The following DAB1 variants were observed in gnomAD, a reference collection of about 807,000 sequenced individuals.
DAB1 encodes the protein disabled homolog 1.
In DAB1, 15 loss-of-function variants were observed where a neutral mutation model predicts 64.6. The observed-to-expected ratio is 0.23, with a 90% CI of 0.16 to 0.36. The LOEUF (loss-of-function observed/expected upper bound fraction) is 0.36. Among genes scored for constraint, DAB1 ranks in the 10% least tolerant of loss-of-function variants. The pLI is 1.00. For synonymous variants in DAB1, 235 were observed against 251.9 expected, an observed-to-expected ratio of 0.93 and a Z score of 0.64; for missense variants, 596 against 706.7, an observed-to-expected ratio of 0.84 and a Z score of 1.78.
intron 7 of DAB1, among the ~76,000 whole-genome samples, chr1:57,619,159 T>C (rs1371225991): frequency 1.3e-5 from 2 of 152,200 alleles, no homozygotes; most frequent in African/African-American, 2.4e-5. Flanking sequence ...GTTAATATCC[T>C]TTATGACAGG....
chr1:58,447,891 A>T lies in DAB1; in HGVS notation n.257+58169T>A, dbSNP rs1645088812. Among the ~76,000 whole-genome samples the T allele has an allele frequency of 2.6e-5, 4 of 151,966 alleles. 1 individual carries two copies. The South Asian group carries it at 8.3e-4, about 32-fold the overall frequency. On this transcript the variant is annotated intron_variant and non_coding_transcript_variant, in intron 3 of 20. Transcript: ENST00000485760. ...AAAAAAAGTCTTATGCAATAAGAAG[A>T]CTGGAGGAGGCAGAGTTTCAGGGTT...
intron 6 of DAB1, among the ~76,000 whole-genome samples, chr1:57,718,615 T>A (rs566212228): frequency 7.2e-4 from 109 of 152,312 alleles, no homozygotes; most frequent in Non-Finnish European, 1.1e-3. Flanking sequence ...GATTATCTTG[T>A]ATCTAAAAGA....
At chr1:57,651,995 A>G (rs74077751) in intron 6 of DAB1, among the ~76,000 whole-genome samples, 3,259 of 152,272 alleles carry the variant, frequency 0.021, 116 homozygotes, top group African/African-American at 0.075. Context: ...TTTAATTTAT[A>G]GTTTAAATGA....
At chr1:57,447,285 T>C (rs981307995) in intron 7 of DAB1, among the ~76,000 whole-genome samples, 1 of 152,174 alleles carries the variant, frequency 6.6e-6, no homozygotes, top group Non-Finnish European at 1.5e-5. Context: ...AAAGCTCTCT[T>C]AGTGACTGGC....
At chr1:57,128,006 G>C (rs983178130) in intron 4 of DAB1, among the ~76,000 whole-genome samples, 1 of 151,938 alleles carries the variant, frequency 6.6e-6, no homozygotes, top group African/African-American at 2.4e-5. Flanking sequence ...AAATTAGCCG[G>C]CATGGTGGGA....
chr1:57,176,346 A>G (rs1662312417), intron 2 of DAB1, among the ~76,000 whole-genome samples: 2 of 152,126 alleles, frequency 1.3e-5, no homozygotes, highest in African/African-American at 4.8e-5. Flanking sequence ...CACATCTCAC[A>G]TGGCAGCCAA....
At chr1:58,045,628 T>C (rs1647223981) in intron 5 of DAB1, among the ~76,000 whole-genome samples, 1 of 151,994 alleles carries the variant, frequency 6.6e-6, no homozygotes, top group Non-Finnish European at 1.5e-5. Flanking sequence ...GAATATTTTT[T>C]TTCCAGGGAA....
intron 2 of DAB1, among the ~76,000 whole-genome samples, chr1:58,526,970 T>C (rs971999852): frequency 6.6e-6 from 1 of 152,158 alleles, no homozygotes; most frequent in Admixed American, 6.5e-5. Flanking sequence ...CAAAAAATTA[T>C]TTCCAATCAA....
chr1:57,080,756 G>GCA (rs71801142), intron 4 of DAB1, among the ~76,000 whole-genome samples: 33,088 of 143,272 alleles, frequency 0.23, 4,172 homozygotes, highest in Middle Eastern at 0.34. Context: ...ACACACACAC[G>GCA]CACACACACA....
At chr1:57,619,336 T>C (rs1178404370) in intron 7 of DAB1, among the ~76,000 whole-genome samples, 1 of 152,212 alleles carries the variant, frequency 6.6e-6, no homozygotes, top group Non-Finnish European at 1.5e-5. Context: ...ATGACAACGC[T>C]GTGCTAGGAG....
chr1:58,057,347 T>C (rs751059463), intron 5 of DAB1, among the ~76,000 whole-genome samples: 1 of 152,132 alleles, frequency 6.6e-6, no homozygotes, highest in Non-Finnish European at 1.5e-5. Context: ...ACTCAGAATA[T>C]AACTTTCTTT....
intron 5 of DAB1, among the ~76,000 whole-genome samples, chr1:57,902,156 CAA>C (rs60082541): frequency 0.21 from 24,216 of 114,248 alleles, 2,273 homozygotes; most frequent in Admixed American, 0.31. Context: ...GATCTTGTCT[CAA>C]AAAAAAAAAA....
chr1:57,622,243 T>C (rs1345981817), intron 7 of DAB1, among the ~76,000 whole-genome samples: 2 of 152,180 alleles, frequency 1.3e-5, no homozygotes, highest in African/African-American at 4.8e-5. Context: ...TACTTCGGGT[T>C]TGGAATGAGA....
intron 1 of DAB1, among the ~76,000 whole-genome samples, chr1:57,866,666 C>T (rs1490309879): frequency 6.6e-6 from 1 of 152,154 alleles, no homozygotes; most frequent in Non-Finnish European, 1.5e-5. Context: ...GCATGCCTTA[C>T]AGAGCTCTTA....
chr1:57,488,483 C>T (rs1436657805), intron 7 of DAB1, among the ~76,000 whole-genome samples: 3 of 151,260 alleles, frequency 2.0e-5, no homozygotes, highest in Non-Finnish European at 4.4e-5. Context: ...TTGAGACCAG[C>T]CTGACCAACA....
intron 7 of DAB1, among the ~76,000 whole-genome samples, chr1:57,615,673 A>G (rs953332835): frequency 6.7e-6 from 1 of 148,446 alleles, no homozygotes; most frequent in African/African-American, 2.5e-5. Flanking sequence ...ATGTGAATCA[A>G]TAAAAGGGAG....
intron 4 of DAB1, among the ~76,000 whole-genome samples, chr1:57,123,808 T>G (rs1413790680): frequency 6.6e-6 from 1 of 152,156 alleles, no homozygotes; most frequent in Non-Finnish European, 1.5e-5. Flanking sequence ...GCAGCGTGTA[T>G]AGTTTAATTT....
intron 1 of DAB1, among the ~76,000 whole-genome samples, chr1:58,529,947 C>T (rs1373639318): frequency 6.6e-6 from 1 of 152,020 alleles, no homozygotes; most frequent in Non-Finnish European, 1.5e-5. Context: ...GTGGCGCAAT[C>T]TCGGCTCACA....
chr1:58,494,909 GC>G (rs1645769211), intron 3 of DAB1, among the ~76,000 whole-genome samples: 1 of 152,054 alleles, frequency 6.6e-6, no homozygotes. Context: ...CCCAGCCATC[GC>G]ATTACTGGGT....
Sources: gnomAD v4.1 joint callset for allele counts (sites outside exome capture counted in the v4.1 genomes callset) on GRCh38, gnomAD v4.1.1 for gene constraint, MANE v1.5 for transcripts, NCBI Gene and HGNC (gene_info 2026-07-23, HGNC 2026-07-21) for gene names.